Variants in CHMP2B observed in about 807,000 individuals in gnomAD.
The protein encoded by CHMP2B is charged multivesicular body protein 2B.
Under a neutral mutation model 29.8 loss-of-function variants are expected in CHMP2B, and 22 were observed. The observed-to-expected ratio is 0.74, with a 90% confidence interval of 0.53 to 1.05. The LOEUF is 1.05. CHMP2B is among the 50% of genes least tolerant of loss of function. The probability of loss-of-function intolerance (pLI) is 0.00; values close to 1 mark genes in which losing one functional copy is unlikely to be tolerated. For synonymous variants in CHMP2B, 78 were observed against 75.8 expected, an observed-to-expected ratio of 1.03 and a Z score of -0.15; for missense variants, 261 against 252.2, an observed-to-expected ratio of 1.03 and a Z score of -0.24.
At chr3:87,249,407 A>G (rs1292934796) in intron 3 of CHMP2B, among the ~76,000 whole-genome samples, 3 of 152,092 alleles carry the variant, frequency 2.0e-5, no homozygotes, top group African/African-American at 4.8e-5. Context: ...TCACATTTTT[A>G]TATTTTTTTA....
chr3:87,228,001 A>T (rs1404207095), intron 1 of CHMP2B, among the ~76,000 whole-genome samples: 1 of 152,204 alleles, frequency 6.6e-6, no homozygotes, highest in Non-Finnish European at 1.5e-5. Context: ...CAGTTAGGAA[A>T]TGAAGTTGGG....
intron 1 of CHMP2B, among the ~76,000 whole-genome samples, chr3:87,231,088 TC>T (rs1297553230): frequency 6.6e-6 from 1 of 152,092 alleles, no homozygotes; most frequent in Non-Finnish European, 1.5e-5. Flanking sequence ...CTGCATTCTC[TC>T]CCTGCATGAT....
intron 2 of CHMP2B, among the ~76,000 whole-genome samples, chr3:87,243,112 T>A (rs1706150870): frequency 6.6e-6 from 1 of 152,152 alleles, no homozygotes; most frequent in South Asian, 2.1e-4. Context: ...TATGTATCTC[T>A]CCATTATTTA....
At chr3:87,242,927 C>A (rs1383599067) in intron 2 of CHMP2B, among the ~76,000 whole-genome samples, 3 of 152,038 alleles carry the variant, frequency 2.0e-5, no homozygotes, top group Non-Finnish European at 4.4e-5. Context: ...AGGTGCTTTG[C>A]ATTTCTATAG....
chr3:87,235,035 A>G (rs901263784), intron 1 of CHMP2B, among the ~76,000 whole-genome samples: 4 of 152,208 alleles, frequency 2.6e-5, no homozygotes, highest in Non-Finnish European at 5.9e-5. Context: ...TCACATTTCA[A>G]TGTATATGTT....
intron 3 of CHMP2B, among the ~76,000 whole-genome samples, chr3:87,248,002 A>C (rs984186644): frequency 7.9e-5 from 12 of 152,062 alleles, no homozygotes; most frequent in Admixed American, 7.9e-4. Flanking sequence ...AAAAAGAGAA[A>C]GTTTCAAGCC....
At chr3:87,252,194 C>G (rs1372764315) in intron 4 of CHMP2B, among the ~76,000 whole-genome samples, 1 of 151,810 alleles carries the variant, frequency 6.6e-6, no homozygotes, top group Admixed American at 6.6e-5. Context: ...AACCAGGACA[C>G]CCTGGTAGGA....
chr3:87,236,955 C>T (rs36006663), intron 1 of CHMP2B, among the ~76,000 whole-genome samples: 47,689 of 152,046 alleles, frequency 0.31, 9,331 homozygotes, highest in Non-Finnish European at 0.44. Flanking sequence ...GGTTGTACTC[C>T]AGAAGTTCAT....
intron 2 of CHMP2B, among the ~76,000 whole-genome samples, chr3:87,241,457 A>G (rs1386513859): frequency 6.6e-6 from 1 of 151,992 alleles, no homozygotes; most frequent in Non-Finnish European, 1.5e-5. Context: ...AATCCCTCCT[A>G]CGCATCCCTG....
chr3:87,251,303 T>G (rs1336505193), intron 4 of CHMP2B, among the ~76,000 whole-genome samples: 3 of 151,958 alleles, frequency 2.0e-5, no homozygotes, highest in Non-Finnish European at 4.4e-5. Context: ...TGTTGAAGCA[T>G]CATCAATGAT....
intron 1 of CHMP2B, among the ~76,000 whole-genome samples, chr3:87,232,600 A>G (rs1293165815): frequency 6.6e-5 from 10 of 152,162 alleles, no homozygotes; most frequent in Admixed American, 6.5e-4. Context: ...TTTAGAATAG[A>G]TATTTCTGTA....
Position 87,245,721 on chromosome 3 carries a change from A to G in CHMP2B, c.134A>G (p.Glu45Gly). The G allele has an allele frequency of 6.2e-7, 1 of 1,612,864 alleles. No homozygotes were observed. The highest frequency in any genetic ancestry group is 8.5e-7 in the Non-Finnish European group (1 of 1,179,228). ...GTTTGTTTCTTCTCTTAGGAATTAG[A>G]AATTAAGAAAATGGCCAAGATTGGT... ...LEKQEKQLEL[E>G]IKKMAKIGNK... The change falls in exon 3 of 6, where the codon GAA becomes GGA. Residue 45 changes from glutamate to glycine, a missense_variant. Glu to Gly is a moderately conservative substitution (Grantham distance 98). Transcript: ENST00000263780.
At chr3:87,248,803 CT>C (rs2106911681) in intron 3 of CHMP2B, among the ~76,000 whole-genome samples, 2 of 152,228 alleles carry the variant, frequency 1.3e-5, no homozygotes, top group Admixed American at 1.3e-4. Flanking sequence ...GGAAAGAATA[CT>C]TTGGCTACTG....
chr3:87,236,938 A>C (rs1252455867), intron 1 of CHMP2B, among the ~76,000 whole-genome samples: 2 of 152,204 alleles, frequency 1.3e-5, no homozygotes, highest in Admixed American at 1.3e-4. Flanking sequence ...TCCTTAGTAC[A>C]CAAAGGGGTT....
chr3:87,231,784 T>G (rs1000246398), intron 1 of CHMP2B, among the ~76,000 whole-genome samples: 2 of 152,140 alleles, frequency 1.3e-5, no homozygotes, highest in African/African-American at 4.8e-5. Context: ...CCTTTTTATC[T>G]TCCTCTAGCT....
chr3:87,234,077 C>T (rs1043469842), intron 1 of CHMP2B, among the ~76,000 whole-genome samples: 1 of 152,108 alleles, frequency 6.6e-6, no homozygotes, highest in Non-Finnish European at 1.5e-5. Context: ...AAAAGAAAGG[C>T]ACTTTAAATA....
chr3:87,250,014 C>G, intron 4 of CHMP2B, 37 bp downstream of exon 4: 1 of 1,279,692 alleles, frequency 7.8e-7, no homozygotes, highest in South Asian at 1.3e-5. Flanking sequence ...TTATAGTTTT[C>G]TCATCTTTGA....
chr3:87,250,998 C>T (rs1055172652), intron 4 of CHMP2B, among the ~76,000 whole-genome samples: 3 of 151,770 alleles, frequency 2.0e-5, no homozygotes, highest in African/African-American at 7.2e-5. Flanking sequence ...TGTTTTACAA[C>T]TATAAAAAAT....
At chr3:87,238,189 A>G (rs1559606744) in intron 1 of CHMP2B, among the ~76,000 whole-genome samples, 1 of 152,226 alleles carries the variant, frequency 6.6e-6, no homozygotes, top group Non-Finnish European at 1.5e-5. Context: ...CCTAAAAAAG[A>G]TAAAGATTTT....
Sources: allele counts gnomAD v4.1 joint callset (sites outside exome capture counted in the v4.1 genomes callset), GRCh38; gene constraint gnomAD v4.1.1; transcripts MANE v1.5; gene names NCBI Gene and HGNC (gene_info 2026-07-23, HGNC 2026-07-21).